WWOX: variants seen among roughly 807,000 people sequenced by gnomAD.
WWOX encodes WW domain-containing oxidoreductase.
WWOX carries 69 observed loss-of-function variants against 46.2 expected under a neutral mutation model. That is an observed-to-expected ratio of 1.49 (90% CI 1.23 to 1.82). The LOEUF is 1.82. WWOX is among the 40% of genes most tolerant of loss of function. The probability of loss-of-function intolerance (pLI) is 0.00; values close to 1 mark genes in which losing one functional copy is unlikely to be tolerated. For synonymous variants in WWOX, 359 were observed against 202.6 expected (o/e 1.77, Z -6.56); for missense variants, 919 against 542.6 (o/e 1.69, Z -6.89).
chr16:78,244,982 A>G (rs1409122438), intron 5 of WWOX, among the ~76,000 whole-genome samples: 1 of 152,214 alleles, frequency 6.6e-6, no homozygotes, highest in Non-Finnish European at 1.5e-5. Flanking sequence ...ATATTCTTAC[A>G]GTAGTTTCAA....
intron 8 of WWOX, among the ~76,000 whole-genome samples, chr16:78,590,026 C>T (rs989532486): frequency 3.3e-5 from 5 of 152,074 alleles, no homozygotes; most frequent in Admixed American, 6.5e-5. Flanking sequence ...TTACGTGTCA[C>T]GCACTGTGAT....
chr16:78,373,406 G>T (rs1232477006), intron 5 of WWOX, among the ~76,000 whole-genome samples: 8 of 152,178 alleles, frequency 5.3e-5, no homozygotes, highest in Admixed American at 5.2e-4. Context: ...ATGGAAGGTT[G>T]AAGTATGGGG....
intron 5 of WWOX, among the ~76,000 whole-genome samples, chr16:78,254,976 C>T (rs1408993740): frequency 1.3e-5 from 2 of 152,190 alleles, no homozygotes; most frequent in Non-Finnish European, 2.9e-5. Flanking sequence ...AGGAGGATTG[C>T]AGGAACTGCT....
intron 8 of WWOX, among the ~76,000 whole-genome samples, chr16:78,643,308 C>T (rs142045157): frequency 1.8e-3 from 277 of 152,246 alleles, no homozygotes; most frequent in Non-Finnish European, 3.1e-3. Flanking sequence ...CTAACGAAAA[C>T]AACAAAATCA....
intron 8 of WWOX, among the ~76,000 whole-genome samples, chr16:78,533,495 T>C (rs1238849419): frequency 6.6e-6 from 1 of 152,152 alleles, no homozygotes; most frequent in East Asian, 1.9e-4. Flanking sequence ...AAAGTTGTCC[T>C]GGGCCGCATG....
chr16:78,800,138 G>T (rs1051567770), intron 8 of WWOX, among the ~76,000 whole-genome samples: 1 of 152,004 alleles, frequency 6.6e-6, no homozygotes. Flanking sequence ...TAAAAACAGG[G>T]TTAGAATATC....
intron 8 of WWOX, among the ~76,000 whole-genome samples, chr16:78,563,655 C>T (rs944747741): frequency 6.6e-6 from 1 of 151,356 alleles, no homozygotes; most frequent in Non-Finnish European, 1.5e-5. Flanking sequence ...ATTAAATTAT[C>T]CAGGAGGAAT....
At chr16:78,773,297 G>A (rs577862712) in intron 8 of WWOX, among the ~76,000 whole-genome samples, 1 of 152,250 alleles carries the variant, frequency 6.6e-6, no homozygotes, top group East Asian at 1.9e-4. Context: ...TCTGGCTCTG[G>A]CTTCTGGACT....
At chr16:78,874,374 C>T (rs1395761751) in intron 8 of WWOX, among the ~76,000 whole-genome samples, 5 of 151,824 alleles carry the variant, frequency 3.3e-5, no homozygotes, top group East Asian at 1.9e-4. Context: ...AGGCTAGGAG[C>T]GGAGGGAAAG....
chr16:78,542,629 G>T (rs1201835575), intron 8 of WWOX, among the ~76,000 whole-genome samples: 1 of 152,192 alleles, frequency 6.6e-6, no homozygotes, highest in Non-Finnish European at 1.5e-5. Context: ...GAGGGATTGC[G>T]TAATGCACCC....
chr16:78,894,937 G>C (rs938116828), intron 8 of WWOX, among the ~76,000 whole-genome samples: 8 of 152,090 alleles, frequency 5.3e-5, no homozygotes, highest in Non-Finnish European at 1.0e-4. Flanking sequence ...TTCTTATTAC[G>C]ATAGTTCCAA....
At chr16:78,449,225 A>G (rs1333114172) in intron 8 of WWOX, among the ~76,000 whole-genome samples, 5 of 152,198 alleles carry the variant, frequency 3.3e-5, no homozygotes, top group Non-Finnish European at 1.5e-5. Flanking sequence ...TGCTGGCTTT[A>G]TCGAAGCATG....
chr16:78,147,431 C>T (rs2034236901), intron 4 of WWOX, among the ~76,000 whole-genome samples: 1 of 151,944 alleles, frequency 6.6e-6, no homozygotes, highest in South Asian at 2.1e-4. Context: ...GAATTTAAGT[C>T]ATATTTTTGA....
At position 79,061,772 on chromosome 16, in the gene WWOX, A is replaced by G. The variant is rs981077440; in HGVS notation, c.1057-149836A>G. On this transcript the variant is annotated intron_variant, in intron 8 of 8. Coordinates refer to ENST00000566780, the MANE Select transcript of WWOX (RefSeq NM_016373.4). ...TAAGGTTTTGAGCATATTAACAGCA[A>G]TACTGATCATAGCTAATATGCCTCT... Among the ~76,000 whole-genome samples, 7 of 152,216 alleles carry G rather than the reference A, an allele frequency of 4.6e-5. No individual in the cohort carries two copies. In the East Asian group the frequency reaches 9.6e-4, roughly 21 times the overall value.
intron 8 of WWOX, among the ~76,000 whole-genome samples, chr16:78,937,165 A>G (rs2045755063): frequency 6.6e-6 from 1 of 152,172 alleles, no homozygotes; most frequent in African/African-American, 2.4e-5. Context: ...ATTTCCATCA[A>G]GAGGAACATA....
intron 8 of WWOX, among the ~76,000 whole-genome samples, chr16:79,028,240 C>T (rs971606356): frequency 3.3e-5 from 5 of 151,962 alleles, no homozygotes; most frequent in East Asian, 1.9e-4. Context: ...TGAGCCACCA[C>T]GCCCGACTGC....
At chr16:78,603,942 G>C (rs116401113) in intron 8 of WWOX, among the ~76,000 whole-genome samples, 8,359 of 152,006 alleles carry the variant, frequency 0.055, 266 homozygotes, top group South Asian at 0.067. Flanking sequence ...AGGAGTTCAA[G>C]ATCAGCCTGG....
intron 8 of WWOX, among the ~76,000 whole-genome samples, chr16:79,105,055 T>C (rs2049280446): frequency 6.6e-6 from 1 of 151,912 alleles, no homozygotes; most frequent in South Asian, 2.1e-4. Context: ...TTTACAAAAG[T>C]GGAAAATGTG....
At chr16:78,275,503 C>G (rs2079560836) in intron 5 of WWOX, among the ~76,000 whole-genome samples, 3 of 152,240 alleles carry the variant, frequency 2.0e-5, no homozygotes, top group African/African-American at 7.2e-5. Context: ...CTGAGGATCT[C>G]TTTGGCTTCT....
Sources: allele counts gnomAD v4.1 joint callset (sites outside exome capture counted in the v4.1 genomes callset), GRCh38; gene constraint gnomAD v4.1.1; transcripts MANE v1.5; gene names NCBI Gene and HGNC (gene_info 2026-07-23, HGNC 2026-07-21).